Variants in SYDE2 observed in about 807,000 individuals in gnomAD.
SYDE2 encodes synapse defective Rho GTPase homolog 2, also known as rho GTPase-activating protein SYDE2.
Under a neutral mutation model 91.5 loss-of-function variants are expected in SYDE2, and 76 were observed. The observed-to-expected ratio is 0.83, with a 90% CI of 0.69 to 1.01. The LOEUF is 1.01. Among genes scored for constraint, SYDE2 ranks in the 50% least tolerant of loss-of-function variants. The pLI is 0.00. For synonymous variants in SYDE2, 513 were observed against 506.4 expected, an observed-to-expected ratio of 1.01 and a Z score of -0.18; for missense variants, 1,364 against 1,367.7, an observed-to-expected ratio of 1.00 and a Z score of 0.04.
Position 85,200,868 on chromosome 1 carries a change from G to A in SYDE2, c.129C>T (p.Cys43=), listed in dbSNP as rs566935081. The A allele has an allele frequency of 8.1e-6, 11 of 1,359,064 alleles. No homozygotes were observed. In the South Asian group the frequency reaches 1.1e-4, roughly 14 times the overall value. 84.2% of individuals were successfully genotyped at this position (1,359,064 alleles called of 1,614,324 possible). The change falls in exon 1 of 7, where the codon TGC becomes TGT. Residue 43 remains cysteine, a synonymous_variant. Coordinates refer to ENST00000341460, the MANE Select transcript of SYDE2 (RefSeq NM_032184.2). Reference sequence around the variant, plus strand: ...CGCCTCCCCGCTCCCCGTCCCGGGGGCAGGCTCGGCGGTACGCGGCGCCGC... The same window carrying A: ...CGCCTCCCCGCTCCCCGTCCCGGGGACAGGCTCGGCGGTACGCGGCGCCGC... ...PSRGAAYRRA[C]PRDGERGGGG...
At position 85,200,340 on chromosome 1, in the gene SYDE2, C is replaced by T; in HGVS notation, c.657G>A (p.Thr219=). The change falls in exon 1 of 7, where the codon ACG becomes ACA. Residue 219 remains threonine (T), a synonymous_variant. Coordinates refer to ENST00000341460, the MANE Select transcript of SYDE2 (RefSeq NM_032184.2). The stretch of plus-strand genomic sequence containing the variant: ...CGCCCACATTTGGGGAGGCTGCCTG[C>T]GTTCCTGTGACTTTGGGAGCCGTCC... The part of the protein sequence containing the change: ...ARGTAPKVTG[T]QAASPNVGAL... 1 of 1,614,018 alleles carries T rather than the reference C, an allele frequency of 6.2e-7. No individual in the cohort carries two copies. The highest frequency in any genetic ancestry group is 8.5e-7 in the Non-Finnish European group (1 of 1,179,900).
At chr1:85,196,191 G>A (rs1442964251) in intron 1 of SYDE2, among the ~76,000 whole-genome samples, 1 of 152,058 alleles carries the variant, frequency 6.6e-6, no homozygotes, top group Non-Finnish European at 1.5e-5. Context: ...GCTCTAATAG[G>A]GGTAGTTTAA....
intron 2 of SYDE2, among the ~76,000 whole-genome samples, chr1:85,187,490 A>G (rs1465497159): frequency 6.6e-6 from 1 of 151,576 alleles, no homozygotes; most frequent in African/African-American, 2.4e-5. Flanking sequence ...TAGAAATACC[A>G]TTTGACCCAG....
chr1:85,184,653 T>C (rs1372993426), intron 2 of SYDE2, among the ~76,000 whole-genome samples: 1 of 151,894 alleles, frequency 6.6e-6, no homozygotes, highest in Non-Finnish European at 1.5e-5. Flanking sequence ...CTGAGGCAGA[T>C]AGGAGTTCAA....
chr1:85,168,281 G>A (rs1657369544), intron 5 of SYDE2, among the ~76,000 whole-genome samples: 1 of 152,106 alleles, frequency 6.6e-6, no homozygotes, highest in Admixed American at 6.5e-5. Flanking sequence ...CAGAGCACAG[G>A]ACATTCAGGG....
At position 85,156,907 on chromosome 1, in the gene SYDE2, A is replaced by C. The variant is rs1656895049; in HGVS notation, c.*1843T>G. On this transcript the variant is annotated 3_prime_UTR_variant, in exon 7 of 7. Coordinates refer to ENST00000341460, the MANE Select transcript of SYDE2 (RefSeq NM_032184.2). ...AATAAAATTTTTACATTTCTAGAGC[A>C]ATTTATTCAATTCATACATGATATA... 1 of 152,078 alleles carries C rather than the reference A, an allele frequency of 6.6e-6. No individual in the cohort carries two copies. Among genetic ancestry groups the C allele is most frequent in the Non-Finnish European group, 1.5e-5 (1 of 67,966 alleles). 9.4% of individuals were successfully genotyped at this position (152,078 alleles called of 1,614,324 possible). A position where few individuals can be genotyped will look rare whatever the true frequency, so the allele number is the denominator to read the frequency against.
chr1:85,191,542 G>A (rs1324654423), intron 1 of SYDE2, among the ~76,000 whole-genome samples: 2 of 152,020 alleles, frequency 1.3e-5, no homozygotes, highest in South Asian at 2.1e-4. Context: ...GGAGGATCAC[G>A]AGGTCAGGAG....
chr1:85,175,631 A>G (rs1235484699), intron 4 of SYDE2, among the ~76,000 whole-genome samples: 1 of 152,202 alleles, frequency 6.6e-6, no homozygotes, highest in Admixed American at 6.5e-5. Flanking sequence ...TGTGAACAAA[A>G]TCTGTCACTC....
At chr1:85,169,531 A>G (rs955069892) in intron 4 of SYDE2, among the ~76,000 whole-genome samples, 9 of 152,194 alleles carry the variant, frequency 5.9e-5, no homozygotes, top group Non-Finnish European at 1.2e-4. Flanking sequence ...TGCCCCCTAT[A>G]AAAAGCTTCT....
intron 4 of SYDE2, among the ~76,000 whole-genome samples, chr1:85,170,014 C>G (rs1657443732): frequency 6.6e-6 from 1 of 151,956 alleles, no homozygotes; most frequent in African/African-American, 2.4e-5. Context: ...GGAGATACTC[C>G]TAACACCAAA....
Position 85,164,846 on chromosome 1 carries a change from G to A in SYDE2, c.2854-89C>T, listed in dbSNP as rs1657205489. The A allele has an allele frequency of 1.6e-5, 12 of 766,254 alleles. No individual in the cohort carries two copies. In the East Asian group the frequency reaches 4.0e-4, roughly 26 times the overall value. The allele number at this position is 766,254 out of a possible 1,614,324, so 47.5% of individuals were successfully genotyped here. A position where few individuals can be genotyped will look rare whatever the true frequency, so the allele number is the denominator to read the frequency against. On this transcript the variant is annotated intron_variant, in intron 5 of 6. Coordinates refer to ENST00000341460, the MANE Select transcript of SYDE2 (RefSeq NM_032184.2). ...AGCAGGAAATACAGATAAGCATCTT[G>A]TCACTTTTAAAAGGATTTTTTTTAA...
At position 85,158,742 on chromosome 1, in the gene SYDE2, C is replaced by A; in HGVS notation, c.*8G>T. 7.1e-6 allele frequency: 5 copies of A among 707,850 alleles called. No individual in the cohort carries two copies. Among genetic ancestry groups the A allele is most frequent in the South Asian group, 1.6e-5 (1 of 62,090 alleles). 43.8% of individuals were successfully genotyped at this position (707,850 alleles called of 1,614,324 possible). On this transcript the variant is annotated 3_prime_UTR_variant, in exon 7 of 7. Transcript: ENST00000341460. ...ACTTTAAGACATTACAAAAAAAAAC[C>A]CTCAATCTCAAAAACTCATATTAAG...
At chr1:85,185,871 G>A (rs540816381) in intron 2 of SYDE2, among the ~76,000 whole-genome samples, 3,223 of 152,198 alleles carry the variant, frequency 0.021, 98 homozygotes, top group African/African-American at 0.074. Flanking sequence ...TCCCTGTCTT[G>A]TGCCAGTTTT....
intron 2 of SYDE2, among the ~76,000 whole-genome samples, chr1:85,185,067 C>T (rs1023564618): frequency 9.9e-5 from 15 of 151,266 alleles, no homozygotes; most frequent in African/African-American, 2.9e-4. Flanking sequence ...CTTTAGGTAA[C>T]GGTTTTTCCA....
At chr1:85,161,528 T>C (rs1286073836) in intron 6 of SYDE2, among the ~76,000 whole-genome samples, 1 of 151,922 alleles carries the variant, frequency 6.6e-6, no homozygotes, top group African/African-American at 2.4e-5. Context: ...GAGTTCGAGA[T>C]TGGCCTGGCC....
chr1:85,200,220 GGT>G, intron 1 of SYDE2, 30 bp downstream of exon 1: 1 of 1,613,272 alleles, frequency 6.2e-7, no homozygotes, highest in Middle Eastern at 1.7e-4. Context: ...TAAGGCTCGC[GGT>G]GCTAGCATTT....
In SYDE2 at chr1:85,194,878, C is replaced by T. The variant is rs148270973; in HGVS notation, c.746-4126G>A. 2,761 of 982,814 alleles carry T rather than the reference C, an allele frequency of 2.8e-3. 62 individuals are homozygous for T. In the African/African-American group the frequency reaches 0.044, roughly 16 times the overall value. 60.9% of individuals were successfully genotyped at this position (982,814 alleles called of 1,614,324 possible). On this transcript the variant is annotated intron_variant, in intron 1 of 6. Coordinates refer to ENST00000341460, the MANE Select transcript of SYDE2 (RefSeq NM_032184.2). ...AACCCTCATTGAAAATCTGTAGTAC[C>T]GGCTGGGCGCGGTGGCTCACGCCTG...
chr1:85,200,238 G>A lies in SYDE2; in HGVS notation c.745+14C>T, dbSNP rs189791302. 22 of 1,613,670 alleles carry A rather than the reference G, an allele frequency of 1.4e-5. 1 individual carries two copies. The East Asian group carries it at 3.6e-4, about 26-fold the overall frequency. On this transcript the variant is annotated intron_variant, in intron 1 of 6. Transcript: ENST00000341460. ...GGCTCGCGGTGCTAGCATTTTCATC[G>A]CAAAGTATCCTACCTGTCAGCGTAA...
Position 85,190,607 on chromosome 1 carries a change from C to A in SYDE2, c.891G>T (p.Arg297Ser), listed in dbSNP as rs552819319. Residue 297 changes from arginine to serine, a missense_variant, in exon 2 of 7, where the codon AGG becomes AGT. Coordinates refer to ENST00000341460, the MANE Select transcript of SYDE2 (RefSeq NM_032184.2). The stretch of plus-strand genomic sequence containing the variant: ...TATTTTCTTCTTCCAGATTAAGAGG[C>A]CTCAGAGTACTCTGATATAGCCAAT... ...KRNWLYQSTL[R>S]PLNLEEENKK... 4 of 1,613,790 alleles carry A rather than the reference C, an allele frequency of 2.5e-6. No individual in the cohort carries two copies. The highest frequency in any genetic ancestry group is 3.4e-6 in the Non-Finnish European group (4 of 1,179,878).
Sources: gnomAD v4.1 joint callset for allele counts (sites outside exome capture counted in the v4.1 genomes callset) on GRCh38, gnomAD v4.1.1 for gene constraint, MANE v1.5 for transcripts, NCBI Gene and HGNC (gene_info 2026-07-23, HGNC 2026-07-21) for gene names.